The following OPRPN variants were observed in gnomAD, a reference collection of about 807,000 sequenced individuals.
The protein encoded by OPRPN is opiorphin prepropeptide.
In OPRPN, 1 loss-of-function variant was observed where a neutral mutation model predicts 2.2. That is an observed-to-expected ratio of 0.45 (90% CI 0.16 to 2.15). The LOEUF is 2.15. Ranked by LOEUF, OPRPN falls within the 30% of genes most tolerant of loss-of-function variation. The probability of loss-of-function intolerance (pLI) is 0.28; values close to 1 mark genes in which losing one functional copy is unlikely to be tolerated. For missense variants in OPRPN, 306 were observed against 297.3 expected (o/e 1.03, Z -0.21); for synonymous variants, 126 against 111.5 (o/e 1.13, Z -0.82).
At chr4:70,405,203 A>T (rs750771378) in intron 2 of OPRPN, among the ~76,000 whole-genome samples, 1 of 152,172 alleles carries the variant, frequency 6.6e-6, no homozygotes, top group Non-Finnish European at 1.5e-5. Context: ...ACTCCTTAAG[A>T]AGGCATTTTC....
chr4:70,405,655 G>C (rs978945499), intron 2 of OPRPN, among the ~76,000 whole-genome samples: 6 of 152,096 alleles, frequency 3.9e-5, no homozygotes, highest in African/African-American at 1.4e-4. Context: ...AACTCAAAAG[G>C]ATTAAAACTT....
At chr4:70,406,877 A>C (rs1158922566) in intron 2 of OPRPN, among the ~76,000 whole-genome samples, 1 of 152,042 alleles carries the variant, frequency 6.6e-6, no homozygotes, top group Non-Finnish European at 1.5e-5. Flanking sequence ...CTTTTTCCTT[A>C]AAGGAAGGAA....
At position 70,403,503 on chromosome 4, in the gene OPRPN, A is replaced by T. The variant is rs148739299; in HGVS notation, c.51+4167A>T. Among the ~76,000 whole-genome samples, 7 of 152,366 alleles carry T rather than the reference A, an allele frequency of 4.6e-5. No homozygotes were observed. The East Asian group carries it at 1.3e-3, about 29-fold the overall frequency. On this transcript the variant is annotated intron_variant, in intron 2 of 2. Coordinates refer to ENST00000399575, the MANE Select transcript of OPRPN (RefSeq NM_021225.5). Reference sequence around the variant, plus strand: ...CTGATATTTCATTTACAAAATAATCATAAAATTAACCCAACATTATTCATG... The same window carrying T: ...CTGATATTTCATTTACAAAATAATCTTAAAATTAACCCAACATTATTCATG...
Position 70,409,599 on chromosome 4 carries a change from G to T in OPRPN, c.271G>T (p.Glu91Ter). Residue 91 changes from glutamate (E) to a stop codon, truncating the protein, a stop_gained, in exon 3 of 3, where the codon GAA becomes TAA. Coordinates refer to ENST00000399575, the MANE Select transcript of OPRPN (RefSeq NM_021225.5). LOFTEE classifies it low-confidence loss of function (END_TRUNC). Reference sequence around the variant, plus strand: ...CATTCTATCTCAACTCTTTCCATTGGAATCTATTAGACAACCTCGACTCTT... The same window carrying T: ...CATTCTATCTCAACTCTTTCCATTGTAATCTATTAGACAACCTCGACTCTT... ...AVILSQLFPL[E>*]SIRQPRLFPG... 1 of 1,613,530 alleles carries T rather than the reference G, an allele frequency of 6.2e-7. No homozygotes were observed. Among genetic ancestry groups the T allele is most frequent in the Non-Finnish European group, 8.5e-7 (1 of 1,179,628 alleles).
At chr4:70,403,900 C>A (rs548684682) in intron 2 of OPRPN, among the ~76,000 whole-genome samples, 6 of 152,218 alleles carry the variant, frequency 3.9e-5, no homozygotes, top group Non-Finnish European at 8.8e-5. Context: ...AATTATCCTG[C>A]AATTATCTAC....
rs1257828823 is a variant in OPRPN at position 70,409,461 on chromosome 4, G to A, written c.133G>A (p.Val45Ile). The A allele has an allele frequency of 2.5e-6, 4 of 1,614,002 alleles. No individual in the cohort carries two copies. The highest frequency in any genetic ancestry group is 3.4e-6 in the Non-Finnish European group (4 of 1,179,996). ...ACCTCCACTCTACAGGCCAAGATGG[G>A]TTCCACCAAGTCCCCCACCTCCCTA... ...PPPPLYRPRW[V>I]PPSPPPPYDS... is the part of the protein sequence containing the mutation. Residue 45 changes from valine (V) to isoleucine (I), a missense_variant, in exon 3 of 3, where the codon GTT becomes ATT. Val to Ile is a conservative substitution (Grantham distance 29). Transcript: ENST00000399575.
intron 2 of OPRPN, 74 bp from the exon 3 acceptor site, chr4:70,409,306 T>C (rs1405800508): frequency 4.3e-6 from 5 of 1,152,966 alleles, no homozygotes; most frequent in South Asian, 3.1e-5. Flanking sequence ...TAATACATAG[T>C]ATATCCTAAT....
At chr4:70,407,770 G>A (rs920448021) in intron 2 of OPRPN, among the ~76,000 whole-genome samples, 1 of 152,132 alleles carries the variant, frequency 6.6e-6, no homozygotes, top group African/African-American at 2.4e-5. Flanking sequence ...TAAAAGAGAA[G>A]AAAGACCCTA....
intron 2 of OPRPN, among the ~76,000 whole-genome samples, chr4:70,401,309 G>A (rs888041933): frequency 6.6e-6 from 1 of 152,014 alleles, no homozygotes; most frequent in Non-Finnish European, 1.5e-5. Context: ...GGTCACTCTA[G>A]CAAAAATTTC....
At chr4:70,406,530 G>A (rs764738521) in intron 2 of OPRPN, among the ~76,000 whole-genome samples, 80 of 152,114 alleles carry the variant, frequency 5.3e-4, no homozygotes, top group African/African-American at 4.1e-4. Flanking sequence ...TCAAATTATT[G>A]GGGGAGAGGA....
intron 1 of OPRPN, 118 bp from the exon 2 acceptor site, chr4:70,399,153 A>G: frequency 1.7e-6 from 1 of 603,442 alleles, no homozygotes; most frequent in Non-Finnish European, 2.9e-6. Flanking sequence ...TTTAAAGGTT[A>G]TGTTGGTCTT....
At position 70,397,999 on chromosome 4, in the gene OPRPN, G is replaced by C. The variant is rs188949867; in HGVS notation, c.-57G>C. ...TAAATTGAGTATCTGGCAAGAGTAA[G>C]ATTAAGCAGTAATTTGTTCCAAAGA... On this transcript the variant is annotated 5_prime_UTR_variant, in exon 1 of 3. Coordinates refer to ENST00000399575, the MANE Select transcript of OPRPN (RefSeq NM_021225.5). 3.3e-5 allele frequency: 5 copies of C among 151,914 alleles called. No homozygotes were observed. Among genetic ancestry groups the C allele is most frequent in the Admixed American group, 6.6e-5 (1 of 15,180 alleles). The allele number at this position is 151,914 out of a possible 1,614,324, so 9.4% of individuals were successfully genotyped here. A position where few individuals can be genotyped will look rare whatever the true frequency, so the allele number is the denominator to read the frequency against.
chr4:70,399,331 T>A lies in OPRPN; in HGVS notation c.46T>A (p.Phe16Ile). 1 of 1,592,910 alleles carries A rather than the reference T, an allele frequency of 6.3e-7. No homozygotes were observed. The highest frequency in any genetic ancestry group is 1.1e-5 in the South Asian group (1 of 90,200). ...FLGLLALISC[F>I]TPSESQRFSR... ...GGGCCTGTTGGCTCTTATTTCATGTTTCACAGTAAGTTCCCTCAATTCTAA... is the reference window on the plus strand; with the variant it reads ...GGGCCTGTTGGCTCTTATTTCATGTATCACAGTAAGTTCCCTCAATTCTAA... Residue 16 changes from phenylalanine (F) to isoleucine (I), a missense_variant, in exon 2 of 3, where the codon TTC becomes ATC. By Grantham distance (21) the Phe-to-Ile change is conservative. Coordinates refer to ENST00000399575, the MANE Select transcript of OPRPN (RefSeq NM_021225.5).
At chr4:70,401,188 G>A (rs1732978360) in intron 2 of OPRPN, among the ~76,000 whole-genome samples, 1 of 151,980 alleles carries the variant, frequency 6.6e-6, no homozygotes, top group Non-Finnish European at 1.5e-5. Context: ...TATATAAGAA[G>A]CAGAGGATTC....
intron 2 of OPRPN, 80 bp downstream of exon 2, chr4:70,399,416 T>G: frequency 1.6e-6 from 2 of 1,218,266 alleles, no homozygotes; most frequent in Non-Finnish European, 2.4e-6. Flanking sequence ...TACCAAGAAT[T>G]TTGTCCTGTA....
At chr4:70,410,190 CAATAAT>C in exon 3 of OPRPN, 1 of 691,108 alleles carries the variant, frequency 1.4e-6, no homozygotes, top group South Asian at 2.5e-5. Context: ...AGTATTTGAG[CAATAAT>C]ATGCACCTAT....
intron 2 of OPRPN, among the ~76,000 whole-genome samples, chr4:70,402,965 C>G (rs1221174290): frequency 6.6e-6 from 1 of 152,058 alleles, no homozygotes; most frequent in African/African-American, 2.4e-5. Context: ...TAGTTTTACT[C>G]TGAGTGACAT....
chr4:70,408,675 G>C (rs1425172597), intron 2 of OPRPN, among the ~76,000 whole-genome samples: 1 of 152,146 alleles, frequency 6.6e-6, no homozygotes, highest in Non-Finnish European at 1.5e-5. Context: ...AACCAGTTGA[G>C]GAGTGAGCAA....
intron 2 of OPRPN, among the ~76,000 whole-genome samples, chr4:70,403,345 A>C (rs1177439080): frequency 6.6e-6 from 1 of 152,196 alleles, no homozygotes; most frequent in Non-Finnish European, 1.5e-5. Flanking sequence ...AGCTACAATA[A>C]ACGAATGGGC....
Sources: allele counts gnomAD v4.1 joint callset (sites outside exome capture counted in the v4.1 genomes callset), GRCh38; gene constraint gnomAD v4.1.1; transcripts MANE v1.5; gene names NCBI Gene and HGNC (gene_info 2026-07-23, HGNC 2026-07-21).